EEPD1: variants seen among roughly 807,000 people sequenced by gnomAD.
The protein encoded by EEPD1 is endonuclease/exonuclease/phosphatase family domain containing 1, also known as endonuclease/exonuclease/phosphatase family domain-containing protein 1.
Under a neutral mutation model 46.3 loss-of-function variants are expected in EEPD1, and 17 were observed. That is an observed-to-expected ratio of 0.37 (90% CI 0.25 to 0.55). The LOEUF (loss-of-function observed/expected upper bound fraction) is 0.55, where lower values mean the gene tolerates loss of function less well. Among genes scored for constraint, EEPD1 ranks in the 20% least tolerant of loss-of-function variants. The pLI is 0.83. For synonymous variants in EEPD1, 313 were observed against 315.6 expected (o/e 0.99, Z 0.09); for missense variants, 673 against 745.6 (o/e 0.90, Z 1.13).
In EEPD1 at chr7:36,270,071, G is replaced by A. The variant is rs529668748; in HGVS notation, c.931-11044G>A. 5.3e-5 allele frequency among the ~76,000 whole-genome samples: 8 copies of A among 152,246 alleles called. No homozygotes were observed. The South Asian group carries it at 1.7e-3, about 32-fold the overall frequency. On this transcript the variant is annotated intron_variant, in intron 3 of 7. Transcript: ENST00000242108. ...TTTTAGAAGAGCTTATGATAACATG[G>A]CACAGTATAAGTGGGAAAAGCAGAA...
At chr7:36,188,550 C>T (rs995015025) in intron 2 of EEPD1, among the ~76,000 whole-genome samples, 5 of 152,120 alleles carry the variant, frequency 3.3e-5, no homozygotes, top group Non-Finnish European at 7.4e-5. Flanking sequence ...TGGGTGGGTC[C>T]TGCAGGGATT....
intron 2 of EEPD1, among the ~76,000 whole-genome samples, chr7:36,155,994 G>A (rs1490788012): frequency 6.6e-6 from 1 of 152,212 alleles, no homozygotes; most frequent in East Asian, 1.9e-4. Context: ...CCTGCTGTTA[G>A]TAAAATAGCA....
At chr7:36,244,254 C>T (rs1786601728) in intron 3 of EEPD1, among the ~76,000 whole-genome samples, 1 of 152,090 alleles carries the variant, frequency 6.6e-6, no homozygotes, top group Non-Finnish European at 1.5e-5. Context: ...CAGACAGTCC[C>T]AACAGTGGGG....
At chr7:36,236,395 T>C (rs1341955000) in intron 2 of EEPD1, among the ~76,000 whole-genome samples, 3 of 152,222 alleles carry the variant, frequency 2.0e-5, no homozygotes, top group African/African-American at 7.2e-5. Flanking sequence ...TTGCTGGGCT[T>C]GATCGGAGGC....
rs192395628 is a variant in EEPD1 at position 36,295,768 on chromosome 7, C to T, written c.1316-1225C>T. ...GAAAGCTGCCAGGTGTGGTGGCTCA[C>T]GCCTATAATCCCAGCACTTTGGGAG... On this transcript the variant is annotated intron_variant, in intron 6 of 7. Coordinates refer to ENST00000242108, the MANE Select transcript of EEPD1 (RefSeq NM_030636.3). Among the ~76,000 whole-genome samples the T allele has an allele frequency of 3.3e-3, 501 of 152,196 alleles. 2 individuals are homozygous for T. The highest frequency in any genetic ancestry group is 0.011 in the African/African-American group (450 of 41,534).
At chr7:36,181,516 T>C (rs1255551264) in intron 2 of EEPD1, among the ~76,000 whole-genome samples, 2 of 152,220 alleles carry the variant, frequency 1.3e-5, no homozygotes, top group Non-Finnish European at 2.9e-5. Context: ...CAGTTTTGAA[T>C]GTGCGAGTTG....
chr7:36,284,642 G>T (rs201752562), intron 4 of EEPD1, 44 bp from the exon 5 acceptor site: 2 of 1,591,252 alleles, frequency 1.3e-6, no homozygotes, highest in South Asian at 1.1e-5. Flanking sequence ...CCCAGGTGGC[G>T]CTAGGGCTCT....
intron 2 of EEPD1, among the ~76,000 whole-genome samples, chr7:36,204,402 AACAGCAG>A (rs1785773971): frequency 6.6e-6 from 1 of 150,764 alleles, no homozygotes; most frequent in Admixed American, 6.6e-5. Flanking sequence ...TTTATCTAAG[AACAGCAG>A]CAATGATGAT....
intron 2 of EEPD1, among the ~76,000 whole-genome samples, chr7:36,230,446 T>C (rs1438170849): frequency 7.9e-5 from 12 of 152,172 alleles, no homozygotes; most frequent in Admixed American, 7.9e-4. Context: ...AGAATAATCC[T>C]TGAGTTCCTA....
Position 36,299,057 on chromosome 7 carries a change from A to G in EEPD1, c.1561A>G (p.Asn521Asp). 6.2e-7 allele frequency: 1 copy of G among 1,614,188 alleles called. No homozygotes were observed. Among genetic ancestry groups the G allele is most frequent in the South Asian group, 1.1e-5 (1 of 91,076 alleles). The stretch of plus-strand genomic sequence containing the variant: ...CCTCACGAACCCTTGGATTCCGGAT[A>G]ACTGGTCTTGGGGCGGGGTGGCTTC... ...EGLTNPWIPD[N>D]WSWGGVASEH... The change falls in exon 8 of 8, where the codon AAC becomes GAC. Residue 521 changes from asparagine (N) to aspartate (D), a missense_variant. Transcript: ENST00000242108.
At position 36,225,462 on chromosome 7, in the gene EEPD1, CCTCA is replaced by C. The variant is rs1765398100; in HGVS notation, c.879-13518_879-13515del. ...AGGGACTGTGCGTGAATATCAAAGG[CCTCA>C]CTCAACCACATTCTGAACAAACTCA... On this transcript the variant is annotated intron_variant, in intron 2 of 7. Transcript: ENST00000242108. This position sits in a 1 kb window ranked among gnomAD's most constrained non-coding sequence, Gnocchi z 4.2. 6.6e-6 allele frequency among the ~76,000 whole-genome samples: 1 copy of C among 152,110 alleles called. No homozygotes were observed. The highest frequency in any genetic ancestry group is 2.1e-4 in the South Asian group (1 of 4,828).
chr7:36,154,160 A>G lies in EEPD1; in HGVS notation c.-165A>G. The G allele has an allele frequency of 3.7e-6, 3 of 803,534 alleles. No individual in the cohort carries two copies. Among genetic ancestry groups the G allele is most frequent in the Non-Finnish European group, 5.7e-6 (3 of 527,808 alleles). 49.8% of individuals were successfully genotyped at this position (803,534 alleles called of 1,614,324 possible). On this transcript the variant is annotated 5_prime_UTR_variant, in exon 2 of 8. Transcript: ENST00000242108. The surrounding 1 kb of genome is among the most constrained non-coding windows in gnomAD (Gnocchi z 4.2). Reference sequence around the variant, plus strand: ...GGCCAAGTGAAAGGTAATTTTGGACACGCCAGGCATGGAAGATTCGGTGTT... The same window carrying G: ...GGCCAAGTGAAAGGTAATTTTGGACGCGCCAGGCATGGAAGATTCGGTGTT...
intron 2 of EEPD1, among the ~76,000 whole-genome samples, chr7:36,204,412 A>G (rs923795400): frequency 1.3e-5 from 2 of 148,618 alleles, no homozygotes; most frequent in Non-Finnish European, 3.1e-5. Flanking sequence ...AACAGCAGCA[A>G]TGATGATGAG....
rs182014927 is a variant in EEPD1, at chr7:36,296,916, G to A, written c.1316-77G>A. On this transcript the variant is annotated intron_variant, in intron 6 of 7. Transcript: ENST00000242108. ...AGTCAAGTCAGAGAATCTCAATCCC[G>A]TTTCAAAGGGCCACGGTCAGTGTTG... 3.5e-4 allele frequency: 520 copies of A among 1,482,826 alleles called. 1 individual carries two copies. The African/African-American group carries it at 3.6e-3, about 10-fold the overall frequency. 91.9% of individuals were successfully genotyped at this position (1,482,826 alleles called of 1,614,324 possible). A position where few individuals can be genotyped will look rare whatever the true frequency, so the allele number is the denominator to read the frequency against.
At chr7:36,298,910 GCA>G in intron 7 of EEPD1, 95 bp from the exon 8 acceptor site, 1 of 1,421,954 alleles carries the variant, frequency 7.0e-7, no homozygotes, top group Non-Finnish European at 9.7e-7. Context: ...ACCCCGGCCT[GCA>G]GACATGCGGT....
chr7:36,223,375 G>A (rs1360137346), intron 2 of EEPD1, among the ~76,000 whole-genome samples: 3 of 152,002 alleles, frequency 2.0e-5, no homozygotes, highest in African/African-American at 4.8e-5. Flanking sequence ...CTTGGTGGGA[G>A]TATGTAAGAC....
rs60706978 is a variant in EEPD1 at position 36,296,694 on chromosome 7, C to CTTTTTTT, written c.1316-282_1316-276dup. On this transcript the variant is annotated intron_variant, in intron 6 of 7. Coordinates refer to ENST00000242108, the MANE Select transcript of EEPD1 (RefSeq NM_030636.3). ...AAATATTTGGGTAAGACCCTTAGGT[C>CTTTTTTT]TTTTTTTTTTTTTTTTTTTTTTTGT... is the stretch of plus-strand genomic sequence containing the variant. Among the ~76,000 whole-genome samples, 26 of 83,124 alleles carry CTTTTTTT rather than the reference C, an allele frequency of 3.1e-4. 1 individual carries two copies. Among genetic ancestry groups the CTTTTTTT allele is most frequent in the African/African-American group, 6.1e-4 (13 of 21,226 alleles). The allele number at this position is 83,124 out of a possible 152,430, so 54.5% of individuals were successfully genotyped here. A position where few individuals can be genotyped will look rare whatever the true frequency, so the allele number is the denominator to read the frequency against.
chr7:36,262,240 T>C (rs2115832272), intron 3 of EEPD1, among the ~76,000 whole-genome samples: 1 of 151,374 alleles, frequency 6.6e-6, no homozygotes, highest in Non-Finnish European at 1.5e-5. Flanking sequence ...CTTGGGAGGG[T>C]GAAGTGCGGA....
chr7:36,238,489 G>A (rs1238076668), intron 2 of EEPD1, among the ~76,000 whole-genome samples: 2 of 152,158 alleles, frequency 1.3e-5, no homozygotes, highest in African/African-American at 2.4e-5. Flanking sequence ...AAGTGGGATC[G>A]TATAGTATTT....
Sources: allele counts gnomAD v4.1 joint callset (sites outside exome capture counted in the v4.1 genomes callset), GRCh38; gene constraint gnomAD v4.1.1; non-coding constraint Gnocchi (gnomAD v3.1); transcripts MANE v1.5; gene names NCBI Gene and HGNC (gene_info 2026-07-23, HGNC 2026-07-21).